KDM4C: variants seen among roughly 807,000 people sequenced by gnomAD.
KDM4C encodes lysine demethylase 4C, also known as lysine-specific demethylase 4C.
Under a neutral mutation model 129.3 loss-of-function variants are expected in KDM4C, and 81 were observed. The observed-to-expected ratio is 0.63, with a 90% CI of 0.52 to 0.75. The LOEUF (loss-of-function observed/expected upper bound fraction) is 0.75, where lower values mean the gene tolerates loss of function less well. Among genes scored for constraint, KDM4C ranks in the 30% least tolerant of loss-of-function variants. KDM4C has a pLI of 0.00. For missense variants in KDM4C, 1,457 were observed against 1,304.0 expected (o/e 1.12, Z -1.81); for synonymous variants, 573 against 456.1 (o/e 1.26, Z -3.26).
intron 15 of KDM4C, among the ~76,000 whole-genome samples, chr9:7,042,901 A>C (rs1327329204): frequency 2.6e-5 from 4 of 152,138 alleles, no homozygotes; most frequent in African/African-American, 9.6e-5. Flanking sequence ...CTATTTTGTA[A>C]ATAACAATGT....
At chr9:6,861,722 A>G (rs894804358) in intron 5 of KDM4C, among the ~76,000 whole-genome samples, 7 of 151,588 alleles carry the variant, frequency 4.6e-5, no homozygotes, top group Non-Finnish European at 1.0e-4. Flanking sequence ...GGAATCATGC[A>G]TAAAGTTTCT....
chr9:7,067,084 A>G (rs1832525177), intron 17 of KDM4C, among the ~76,000 whole-genome samples: 1 of 151,884 alleles, frequency 6.6e-6, no homozygotes, highest in African/African-American at 2.4e-5. Flanking sequence ...ACACAAAATC[A>G]CTCCTTTTCC....
intron 4 of KDM4C, among the ~76,000 whole-genome samples, chr9:6,820,322 A>G (rs1832802173): frequency 6.6e-6 from 1 of 152,190 alleles, no homozygotes; most frequent in Non-Finnish European, 1.5e-5. Flanking sequence ...TTGAAGGGTG[A>G]GACCACACCT....
chr9:6,804,022 C>T (rs2131003124), intron 2 of KDM4C, among the ~76,000 whole-genome samples: 1 of 152,168 alleles, frequency 6.6e-6, no homozygotes, highest in East Asian at 1.9e-4. Context: ...CAGGTTTTAC[C>T]ATACTGGCTA....
chr9:6,909,365 T>G (rs1349649083), intron 8 of KDM4C, among the ~76,000 whole-genome samples: 3 of 152,288 alleles, frequency 2.0e-5, no homozygotes, highest in African/African-American at 2.4e-5. Flanking sequence ...GGCTCTCAAG[T>G]GTAACACCTT....
chr9:7,068,607 T>C (rs1471657634), intron 17 of KDM4C, among the ~76,000 whole-genome samples: 1 of 152,108 alleles, frequency 6.6e-6, no homozygotes. Context: ...TTGTGTTCTT[T>C]TTCTTTGGCT....
chr9:6,746,551 G>A (rs939097025), intron 1 of KDM4C, among the ~76,000 whole-genome samples: 1 of 150,950 alleles, frequency 6.6e-6, no homozygotes, highest in African/African-American at 2.4e-5. Context: ...TTACAGGCGT[G>A]AGCCACCGCG....
intron 18 of KDM4C, among the ~76,000 whole-genome samples, chr9:7,124,643 T>G (rs1193987488): frequency 6.6e-6 from 1 of 152,216 alleles, no homozygotes; most frequent in Non-Finnish European, 1.5e-5. Flanking sequence ...TGTTATATAC[T>G]GTCACCTAGC....
chr9:6,814,590 G>C, intron 3 of KDM4C, 41 bp from the exon 4 acceptor site: 1 of 1,296,900 alleles, frequency 7.7e-7, no homozygotes, highest in Admixed American at 2.1e-5. Flanking sequence ...CCCTAAAACT[G>C]ACTTACTGGT....
At chr9:7,020,380 A>C (rs1303883002) in intron 15 of KDM4C, among the ~76,000 whole-genome samples, 2 of 152,228 alleles carry the variant, frequency 1.3e-5, no homozygotes, top group Admixed American at 1.3e-4. Context: ...AGTATTACCC[A>C]AATAAATAGG....
chr9:6,990,637 C>T (rs1255206110), intron 12 of KDM4C, 113 bp downstream of exon 12: 3 of 652,792 alleles, frequency 4.6e-6, no homozygotes, highest in Non-Finnish European at 8.0e-6. Flanking sequence ...CAAATACGTA[C>T]TATTAGGAGA....
At chr9:7,035,747 A>G (rs1016969775) in intron 15 of KDM4C, among the ~76,000 whole-genome samples, 3 of 152,106 alleles carry the variant, frequency 2.0e-5, no homozygotes, top group Non-Finnish European at 4.4e-5. Context: ...GAGACTGTCA[A>G]TTCCCTAACG....
At chr9:6,930,584 A>G (rs1823500551) in intron 8 of KDM4C, among the ~76,000 whole-genome samples, 1 of 147,362 alleles carries the variant, frequency 6.8e-6, no homozygotes, top group African/African-American at 2.5e-5. Flanking sequence ...ATAACATGTT[A>G]TATATTCATA....
Position 6,784,761 on chromosome 9 carries a change from G to A in KDM4C, c.-17-8211G>A, listed in dbSNP as rs553921153. Among the ~76,000 whole-genome samples, 33 of 152,288 alleles carry A rather than the reference G, an allele frequency of 2.2e-4. No homozygotes were observed. In the South Asian group the frequency reaches 3.9e-3, roughly 18 times the overall value. On this transcript the variant is annotated intron_variant, in intron 1 of 21. Transcript: ENST00000381309. The stretch of plus-strand genomic sequence containing the variant: ...AATGAGTCCTGGCTTAGGCAAAAAT[G>A]GTCAGGAGGCTCAGGGAGTTTCTTT...
intron 20 of KDM4C, 105 bp from the exon 21 acceptor site, chr9:7,169,693 G>T (rs1844762929): frequency 2.3e-6 from 2 of 878,114 alleles, no homozygotes; most frequent in Non-Finnish European, 3.4e-6. Flanking sequence ...TCCCTTGTTT[G>T]TTCTGTTTGA....
intron 8 of KDM4C, among the ~76,000 whole-genome samples, chr9:6,906,038 A>C (rs1384798848): frequency 6.6e-6 from 1 of 152,198 alleles, no homozygotes; most frequent in East Asian, 1.9e-4. Context: ...ATAGCTACTT[A>C]CCGAGAAAAT....
intron 4 of KDM4C, chr9:6,835,029 T>C (rs1432202809): frequency 3.2e-6 from 3 of 943,952 alleles, no homozygotes; most frequent in Non-Finnish European, 5.3e-6. Flanking sequence ...TGAAGATCCT[T>C]ACCGAGCGTG....
At chr9:7,107,293 A>C (rs1269597298) in intron 18 of KDM4C, among the ~76,000 whole-genome samples, 5 of 152,272 alleles carry the variant, frequency 3.3e-5, no homozygotes. Flanking sequence ...AGACAACACA[A>C]TAAATAGTAG....
chr9:7,127,922 A>C, intron 18 of KDM4C, 144 bp from the exon 19 acceptor site: 1 of 631,670 alleles, frequency 1.6e-6, no homozygotes, highest in Non-Finnish European at 2.5e-6. Context: ...GTTTGAAATT[A>C]TTCTTCAATA....
Sources: gnomAD v4.1 joint callset for allele counts (sites outside exome capture counted in the v4.1 genomes callset) on GRCh38, gnomAD v4.1.1 for gene constraint, MANE v1.5 for transcripts, NCBI Gene and HGNC (gene_info 2026-07-23, HGNC 2026-07-21) for gene names.